Variants in ST3GAL3 observed in about 807,000 individuals in gnomAD.
ST3GAL3 encodes the protein CMP-N-acetylneuraminate-beta-1,4-galactoside alpha-2,3-sialyltransferase.
ST3GAL3 carries 21 observed loss-of-function variants against 50.1 expected under a neutral mutation model. The ratio of observed to expected loss-of-function variants is 0.42; its 90% confidence interval spans 0.30 to 0.60. The LOEUF (loss-of-function observed/expected upper bound fraction) is 0.60. Ranked by LOEUF, ST3GAL3 falls within the 20% of genes least tolerant of loss-of-function variation. ST3GAL3 has a pLI of 0.19. For missense variants in ST3GAL3, 353 were observed against 489.4 expected (o/e 0.72, Z 2.63); for synonymous variants, 183 against 190.0 (o/e 0.96, Z 0.30).
At chr1:43,856,247 C>T (rs1372056089) in intron 5 of ST3GAL3, among the ~76,000 whole-genome samples, 1 of 152,202 alleles carries the variant, frequency 6.6e-6, no homozygotes, top group Non-Finnish European at 1.5e-5. Flanking sequence ...TTTTTACATA[C>T]ACACACAATC....
At chr1:43,815,190 G>A (rs2061083035) in intron 4 of ST3GAL3, among the ~76,000 whole-genome samples, 1 of 152,208 alleles carries the variant, frequency 6.6e-6, no homozygotes, top group African/African-American at 2.4e-5. Context: ...CCACTGCCAG[G>A]AGTTTGAAGG....
chr1:43,763,210 G>GA (rs1267378545), intron 2 of ST3GAL3, among the ~76,000 whole-genome samples: 1 of 152,232 alleles, frequency 6.6e-6, no homozygotes, highest in Admixed American at 6.5e-5. Flanking sequence ...CTCTGCACCT[G>GA]AAGATGAGGA....
chr1:43,929,019 G>GC (rs2084550043), intron 11 of ST3GAL3, among the ~76,000 whole-genome samples: 1 of 152,204 alleles, frequency 6.6e-6, no homozygotes, highest in Admixed American at 6.5e-5. Flanking sequence ...CTGTCATTCA[G>GC]CCCTTCATTC....
intron 5 of ST3GAL3, among the ~76,000 whole-genome samples, chr1:43,855,263 G>A (rs544324933): frequency 2.1e-4 from 32 of 152,144 alleles, no homozygotes; most frequent in Non-Finnish European, 4.0e-4. Flanking sequence ...AATGGGAGCG[G>A]ATCATAATTC....
rs1251382088 is a variant in ST3GAL3, at chr1:43,899,103, A to G, written c.462-65A>G. On this transcript the variant is annotated intron_variant, in intron 7 of 11. Coordinates refer to ENST00000347631, the MANE Select transcript of ST3GAL3 (RefSeq NM_006279.5). The surrounding 1 kb of genome is among the most constrained non-coding windows in gnomAD (Gnocchi z 5.4). ...ACAAGGGCGTGGGGTCAAGGGCCAAAGGAGCAGGGAAAGAGACCTGGTGGG... is the reference window on the plus strand; with the variant it reads ...ACAAGGGCGTGGGGTCAAGGGCCAAGGGAGCAGGGAAAGAGACCTGGTGGG... The G allele has an allele frequency of 6.2e-7, 1 of 1,610,838 alleles. No individual in the cohort carries two copies. Among genetic ancestry groups the G allele is most frequent in the Non-Finnish European group, 8.5e-7 (1 of 1,178,988 alleles).
At position 43,736,391 on chromosome 1, in the gene ST3GAL3, T is replaced by C. The variant is rs1678452088; in HGVS notation, c.118+11T>C. On this transcript the variant is annotated intron_variant, in intron 2 of 11. Coordinates refer to ENST00000347631, the MANE Select transcript of ST3GAL3 (RefSeq NM_006279.5). ...GGGAGGAGGACTCCAGTAAGTATAG[T>C]CACTCTAGCTCACCCCAGGAGAAGC... 1 of 1,614,046 alleles carries C rather than the reference T, an allele frequency of 6.2e-7. No individual in the cohort carries two copies. Among genetic ancestry groups the C allele is most frequent in the African/African-American group, 1.3e-5 (1 of 74,920 alleles).
intron 2 of ST3GAL3, among the ~76,000 whole-genome samples, chr1:43,789,408 A>ATGATGGTTAT (rs1288888233): frequency 6.7e-6 from 1 of 148,872 alleles, no homozygotes; most frequent in East Asian, 1.9e-4. Flanking sequence ...TTGGATTGTG[A>ATGATGGTTAT]TGATGGTTAT....
At chr1:43,752,980 G>T (rs1179555278) in intron 2 of ST3GAL3, among the ~76,000 whole-genome samples, 1 of 152,176 alleles carries the variant, frequency 6.6e-6, no homozygotes, top group Non-Finnish European at 1.5e-5. Flanking sequence ...TATGCCTTGA[G>T]ACCTTGTAAT....
In ST3GAL3 at chr1:43,758,983, G is replaced by A. The variant is rs565204914; in HGVS notation, c.118+22603G>A. 2.6e-5 allele frequency among the ~76,000 whole-genome samples: 4 copies of A among 151,464 alleles called. No homozygotes were observed. In the East Asian group the frequency reaches 5.9e-4, roughly 22 times the overall value. On this transcript the variant is annotated intron_variant, in intron 2 of 11. Coordinates refer to ENST00000347631, the MANE Select transcript of ST3GAL3 (RefSeq NM_006279.5). ...CAGTTGAGCCTAGGAATTCAAGATTGCAGTAAGTTATGATCATATCACAGC... is the reference window on the plus strand; with the variant it reads ...CAGTTGAGCCTAGGAATTCAAGATTACAGTAAGTTATGATCATATCACAGC...
chr1:43,829,882 A>G (rs1373722454), intron 4 of ST3GAL3, among the ~76,000 whole-genome samples: 2 of 152,044 alleles, frequency 1.3e-5, no homozygotes, highest in Admixed American at 1.3e-4. Context: ...ACCAAAATGG[A>G]AAACTTAGGT....
intron 4 of ST3GAL3, among the ~76,000 whole-genome samples, chr1:43,836,578 C>G (rs530561389): frequency 1.3e-4 from 20 of 152,356 alleles, no homozygotes; most frequent in African/African-American, 3.6e-4. Flanking sequence ...CTGCAGAAGG[C>G]AGCCTGGAGG....
chr1:43,721,901 C>G (rs1670681073), intron 1 of ST3GAL3, among the ~76,000 whole-genome samples: 1 of 152,088 alleles, frequency 6.6e-6, no homozygotes, highest in African/African-American at 2.4e-5. Context: ...TACCCGGCCC[C>G]CTCATGTATT....
chr1:43,761,950 CAAAAAAAAAA>C (rs67747915), intron 2 of ST3GAL3, among the ~76,000 whole-genome samples: 33,474 of 68,038 alleles, frequency 0.49, 5,816 homozygotes, highest in South Asian at 0.55. Context: ...CACTCTGTCT[CAAAAAAAAAA>C]AAAAAAAAAA....
At chr1:43,791,182 C>T (rs910737277) in intron 2 of ST3GAL3, among the ~76,000 whole-genome samples, 3 of 152,206 alleles carry the variant, frequency 2.0e-5, no homozygotes, top group Admixed American at 2.0e-4. Flanking sequence ...CCAGTACCCA[C>T]TCCCCTTCTG....
chr1:43,805,889 C>T (rs1374904435), intron 3 of ST3GAL3, among the ~76,000 whole-genome samples: 2 of 152,280 alleles, frequency 1.3e-5, no homozygotes, highest in African/African-American at 2.4e-5. Context: ...GCACGCACCA[C>T]CACACCCGGC....
chr1:43,865,912 G>GT (rs563190487), intron 5 of ST3GAL3, among the ~76,000 whole-genome samples: 21 of 152,342 alleles, frequency 1.4e-4, no homozygotes, highest in South Asian at 1.2e-3. Flanking sequence ...GATTGGTGCC[G>GT]TAAGTGTCAG....
rs1479048606 is a variant in ST3GAL3, at chr1:43,894,418, C to T, written c.338C>T (p.Ser113Phe). 6.2e-7 allele frequency: 1 copy of T among 1,614,074 alleles called. No individual in the cohort carries two copies. The highest frequency in any genetic ancestry group is 1.3e-5 in the African/African-American group (1 of 74,930). The change falls in exon 6 of 12, where the codon TCC becomes TTC. Residue 113 changes from serine (S) to phenylalanine (F), a missense_variant. Ser to Phe is a radical substitution (Grantham distance 155). Coordinates refer to ENST00000347631, the MANE Select transcript of ST3GAL3 (RefSeq NM_006279.5). Reference protein sequence around the residue: ...SKPAPMFLDDSFRKWARIREF... With the variant: ...SKPAPMFLDDFFRKWARIREF... ...CCAGCACCCATGTTCCTGGATGACT[C>T]CTTTCGCAAGTGGGCTAGAATCCGG...
intron 3 of ST3GAL3, among the ~76,000 whole-genome samples, chr1:43,804,721 C>T (rs918762229): frequency 1.3e-5 from 2 of 152,136 alleles, no homozygotes; most frequent in East Asian, 1.9e-4. Context: ...AGAGGAGGCT[C>T]GCTGTGGGCA....
At chr1:43,824,492 G>A (rs148039071) in intron 4 of ST3GAL3, among the ~76,000 whole-genome samples, 116 of 152,250 alleles carry the variant, frequency 7.6e-4, no homozygotes, top group African/African-American at 2.6e-3. Flanking sequence ...AACCTTGAGA[G>A]GACAAGAAAT....
Sources: allele counts gnomAD v4.1 joint callset (sites outside exome capture counted in the v4.1 genomes callset), GRCh38; gene constraint gnomAD v4.1.1; non-coding constraint Gnocchi (gnomAD v3.1); transcripts MANE v1.5; gene names NCBI Gene and HGNC (gene_info 2026-07-23, HGNC 2026-07-21).